Variants in EPHB1 observed in about 807,000 individuals in gnomAD.
The protein encoded by EPHB1 is EPH receptor B1, also known as ephrin type-B receptor 1.
EPHB1 carries 30 observed loss-of-function variants against 94.4 expected under a neutral mutation model. The ratio of observed to expected loss-of-function variants is 0.32; its 90% CI spans 0.24 to 0.43. The LOEUF is 0.43. Ranked by LOEUF, EPHB1 falls within the 20% of genes least tolerant of loss-of-function variation. The pLI is 1.00. For synonymous variants in EPHB1, 522 were observed against 489.1 expected (o/e 1.07, Z -0.89); for missense variants, 1,055 against 1,308.3 (o/e 0.81, Z 2.99).
intron 1 of EPHB1, among the ~76,000 whole-genome samples, chr3:134,817,904 G>T (rs771534034): frequency 6.6e-6 from 1 of 152,178 alleles, no homozygotes; most frequent in Non-Finnish European, 1.5e-5. Flanking sequence ...AATGACTGGC[G>T]GTCGGGAGAA....
rs755070079 is a variant in EPHB1, at chr3:134,795,698, C to A, written c.58+9C>A. ...AGTGGCTGCGATGGAAGGTAACGTACCCTCCACGGAGCAAGTTGGCTGCTG... is the reference window on the plus strand; with the variant it reads ...AGTGGCTGCGATGGAAGGTAACGTAACCTCCACGGAGCAAGTTGGCTGCTG... On this transcript the variant is annotated intron_variant, in intron 1 of 15. Coordinates refer to ENST00000398015, the MANE Select transcript of EPHB1 (RefSeq NM_004441.5). The A allele has an allele frequency of 1.2e-6, 2 of 1,609,086 alleles. No individual in the cohort carries two copies. The highest frequency in any genetic ancestry group is 1.1e-5 in the South Asian group (1 of 90,556).
intron 3 of EPHB1, among the ~76,000 whole-genome samples, chr3:135,081,622 C>T (rs1938167213): frequency 6.6e-6 from 1 of 152,172 alleles, no homozygotes; most frequent in South Asian, 2.1e-4. Flanking sequence ...CTGCTCTCTT[C>T]ACCTCCTGTG....
At chr3:134,975,058 C>T (rs1271888768) in intron 3 of EPHB1, among the ~76,000 whole-genome samples, 1 of 151,386 alleles carries the variant, frequency 6.6e-6, no homozygotes, top group East Asian at 1.9e-4. Flanking sequence ...TTAATGAGAA[C>T]TTTCACACAT....
chr3:134,984,587 C>T (rs750348066), intron 3 of EPHB1, among the ~76,000 whole-genome samples: 1 of 147,886 alleles, frequency 6.8e-6, no homozygotes, highest in African/African-American at 2.5e-5. Context: ...CACCTGGGCC[C>T]CAGAGAGGGA....
chr3:135,104,480 T>A (rs1939139973), intron 3 of EPHB1, among the ~76,000 whole-genome samples: 1 of 152,132 alleles, frequency 6.6e-6, no homozygotes, highest in African/African-American at 2.4e-5. Context: ...CTGAGATGAG[T>A]CAGGAAGTGG....
chr3:135,081,974 C>T (rs185939393), intron 3 of EPHB1, among the ~76,000 whole-genome samples: 4 of 151,866 alleles, frequency 2.6e-5, no homozygotes, highest in South Asian at 2.1e-4. Flanking sequence ...GCAGATGGAA[C>T]GGCAGCAGGA....
intron 1 of EPHB1, among the ~76,000 whole-genome samples, chr3:134,909,046 C>T (rs921260089): frequency 4.2e-5 from 6 of 142,708 alleles, no homozygotes; most frequent in African/African-American, 1.6e-4. Context: ...GCTGATCAGA[C>T]CCCGTGGAGC....
intron 10 of EPHB1, among the ~76,000 whole-genome samples, chr3:135,185,978 G>A (rs961587075): frequency 1.4e-4 from 22 of 152,122 alleles, no homozygotes; most frequent in African/African-American, 5.3e-4. Flanking sequence ...CTGTCTTCTG[G>A]TTTTCTTCTT....
chr3:134,971,205 C>G (rs1001645704), intron 3 of EPHB1, among the ~76,000 whole-genome samples: 6 of 152,174 alleles, frequency 3.9e-5, no homozygotes, highest in African/African-American at 7.2e-5. Context: ...GCAAGCAGCA[C>G]AAAGATACAG....
intron 6 of EPHB1, among the ~76,000 whole-genome samples, chr3:135,155,032 C>T (rs536571845): frequency 6.6e-6 from 1 of 152,300 alleles, no homozygotes; most frequent in East Asian, 1.9e-4. Context: ...GTATTGTCAA[C>T]TATTTGACAG....
intron 3 of EPHB1, among the ~76,000 whole-genome samples, chr3:134,983,187 C>A (rs1934471753): frequency 6.6e-6 from 1 of 152,156 alleles, no homozygotes; most frequent in African/African-American, 2.4e-5. Context: ...TGTCTGTGTT[C>A]ACTCCTTCAT....
At position 135,012,169 on chromosome 3, in the gene EPHB1, A is replaced by C. The variant is rs191714073; in HGVS notation, c.805+60117A>C. Among the ~76,000 whole-genome samples, 758 of 152,316 alleles carry C rather than the reference A, an allele frequency of 5.0e-3. 3 individuals are homozygous for C. The highest frequency in any genetic ancestry group is 0.018 in the African/African-American group (733 of 41,576). On this transcript the variant is annotated intron_variant, in intron 3 of 15. Transcript: ENST00000398015. ...ACAATGTATAAATTCAGTACCACCA[A>C]GCAATTACTGGGCAATCAGGACTGT...
intron 3 of EPHB1, among the ~76,000 whole-genome samples, chr3:135,029,440 A>G (rs1406027227): frequency 6.8e-6 from 1 of 147,550 alleles, no homozygotes; most frequent in Non-Finnish European, 1.5e-5. Flanking sequence ...ATCTCTCAGC[A>G]TTTGCTTGTC....
intron 3 of EPHB1, among the ~76,000 whole-genome samples, chr3:135,081,854 G>A (rs141867816): frequency 6.6e-6 from 1 of 152,220 alleles, no homozygotes; most frequent in Non-Finnish European, 1.5e-5. Context: ...GAGAGCAAGA[G>A]GGCACAGAAT....
At chr3:135,037,076 A>AT (rs1026119683) in intron 3 of EPHB1, among the ~76,000 whole-genome samples, 2 of 152,124 alleles carry the variant, frequency 1.3e-5, no homozygotes, top group African/African-American at 4.8e-5. Context: ...TTGACCTGGG[A>AT]TATCGCCACC....
At chr3:135,091,191 T>C (rs1479937371) in intron 3 of EPHB1, among the ~76,000 whole-genome samples, 2 of 152,010 alleles carry the variant, frequency 1.3e-5, no homozygotes, top group East Asian at 1.9e-4. Flanking sequence ...ACTACAAAGC[T>C]GAGAAGGAGA....
intron 3 of EPHB1, among the ~76,000 whole-genome samples, chr3:134,962,191 G>A (rs1180882659): frequency 6.6e-6 from 1 of 152,096 alleles, no homozygotes; most frequent in Non-Finnish European, 1.5e-5. Flanking sequence ...GTGAAAAATG[G>A]CATCCCATTG....
Position 134,951,078 on chromosome 3 carries a change from A to G in EPHB1, c.124-293A>G, listed in dbSNP as rs765384171. ...GGGCTGAAAGCTGCATGTTGTCCCC[A>G]TGGATGTAATAAGCTAGTCACAGAA... On this transcript the variant is annotated intron_variant, in intron 2 of 15. Coordinates refer to ENST00000398015, the MANE Select transcript of EPHB1 (RefSeq NM_004441.5). The surrounding 1 kb of genome is among the most constrained non-coding windows in gnomAD (Gnocchi z 4.5). Among the ~76,000 whole-genome samples the G allele has an allele frequency of 6.6e-6, 1 of 152,180 alleles. No homozygotes were observed. The highest frequency in any genetic ancestry group is 1.5e-5 in the Non-Finnish European group (1 of 68,024).
intron 12 of EPHB1, among the ~76,000 whole-genome samples, chr3:135,229,858 A>G (rs2107723644): frequency 6.6e-6 from 1 of 152,344 alleles, no homozygotes; most frequent in East Asian, 1.9e-4. Flanking sequence ...GCCTCCATGC[A>G]CAGGGCAGGG....
Sources: allele counts gnomAD v4.1 joint callset (sites outside exome capture counted in the v4.1 genomes callset), GRCh38; gene constraint gnomAD v4.1.1; non-coding constraint Gnocchi (gnomAD v3.1); transcripts MANE v1.5; gene names NCBI Gene and HGNC (gene_info 2026-07-23, HGNC 2026-07-21).